SREBF2: variants seen among roughly 807,000 people sequenced by gnomAD.
SREBF2 encodes the protein sterol regulatory element binding transcription factor 2.
A neutral mutation model predicts 113.1 loss-of-function variants in SREBF2; 55 were observed. The ratio of observed to expected loss-of-function variants is 0.49; its 90% CI spans 0.39 to 0.61. The LOEUF (loss-of-function observed/expected upper bound fraction) is 0.61. SREBF2 is among the 20% of genes least tolerant of loss of function. SREBF2 has a pLI of 0.00. For missense variants in SREBF2, 1,349 were observed against 1,487.4 expected (o/e 0.91, Z 1.53); for synonymous variants, 593 against 605.7 (o/e 0.98, Z 0.31).
intron 9 of SREBF2, among the ~76,000 whole-genome samples, chr22:41,880,162 G>C (rs544003343): frequency 1.3e-5 from 2 of 152,332 alleles, no homozygotes; most frequent in South Asian, 4.1e-4. Context: ...GCTCCTAAGA[G>C]CTGATGCTAC....
At chr22:41,889,816 C>T (rs756597317) in intron 11 of SREBF2, among the ~76,000 whole-genome samples, 1 of 151,748 alleles carries the variant, frequency 6.6e-6, no homozygotes, top group African/African-American at 2.4e-5. Flanking sequence ...GCCTGGCCAA[C>T]ATGATGAAAC....
Position 41,866,906 on chromosome 22 carries a change from C to T in SREBF2, c.164C>T (p.Pro55Leu). 6.2e-7 allele frequency: 1 copy of T among 1,614,010 alleles called. No homozygotes were observed. Among genetic ancestry groups the T allele is most frequent in the Non-Finnish European group, 8.5e-7 (1 of 1,179,994 alleles). The change falls in exon 2 of 19, where the codon CCT (proline) becomes CTT (leucine). Residue 55 changes from proline to leucine, a missense_variant. Pro to Leu is a moderately conservative substitution (Grantham distance 98). Transcript: ENST00000361204. ...TCAGAACAGCTGTGTAGCTCCTTTC[C>T]TGGCAGTGGTGGTAGTGGTAGCAGC... The part of the protein sequence containing the change: ...LFSEQLCSSF[P>L]GSGGSGSSSG...
At chr22:41,837,710 T>G (rs2076790968) in intron 1 of SREBF2, among the ~76,000 whole-genome samples, 1 of 151,150 alleles carries the variant, frequency 6.6e-6, no homozygotes, top group Non-Finnish European at 1.5e-5. Flanking sequence ...AATACAAAAT[T>G]AGCCGGGCGT....
chr22:41,870,873 T>C lies in SREBF2; in HGVS notation c.721-16T>C. 6.2e-7 allele frequency: 1 copy of C among 1,614,202 alleles called. No homozygotes were observed. The highest frequency in any genetic ancestry group is 8.5e-7 in the Non-Finnish European group (1 of 1,180,020). ...TAATGCTATCATCCTTTTACTTTTC[T>C]TCCTTCTTCATCCAGGTCCTGGTCC... On this transcript the variant is annotated splice_polypyrimidine_tract_variant and intron_variant, in intron 3 of 18. Coordinates refer to ENST00000361204, the MANE Select transcript of SREBF2 (RefSeq NM_004599.4).
rs149121946 is a variant in SREBF2 at position 41,852,249 on chromosome 22, G to A, written c.89-14582G>A. Among the ~76,000 whole-genome samples, 1,074 of 151,380 alleles carry A rather than the reference G, an allele frequency of 7.1e-3. 11 individuals carry two copies. The highest frequency in any genetic ancestry group is 0.051 in the Middle Eastern group (15 of 294). ...GAAAAAATTAAATACATTTTATTAT[G>A]TGCTTGATGTATTTTTCTGTGTATT... On this transcript the variant is annotated intron_variant, in intron 1 of 18. Coordinates refer to ENST00000361204, the MANE Select transcript of SREBF2 (RefSeq NM_004599.4).
chr22:41,888,687 AT>A lies in SREBF2; in HGVS notation c.2208+3681del, dbSNP rs1456802221. ...CGTTATAAACAGTGCTTTAGGGAAC[AT>A]TTTTGTCCATTGTCTTCATGCACCT... On this transcript the variant is annotated intron_variant, in intron 11 of 18. Coordinates refer to ENST00000361204, the MANE Select transcript of SREBF2 (RefSeq NM_004599.4). 2.6e-5 allele frequency among the ~76,000 whole-genome samples: 4 copies of A among 152,336 alleles called. 1 individual carries two copies. The East Asian group carries it at 7.7e-4, about 29-fold the overall frequency.
At position 41,880,737 on chromosome 22, in the gene SREBF2, G is replaced by A. The variant is rs202148091; in HGVS notation, c.1783G>A (p.Gly595Ser). The part of the protein sequence containing the change: ...LARGDFAAAA[G>S]NLQTCLAVLG... Reference sequence around the variant, plus strand: ...GTAGGGAGATTTTGCAGCTGCTGCCGGCAACCTACAAACCTGCCTGGCAGT... The same window carrying A: ...GTAGGGAGATTTTGCAGCTGCTGCCAGCAACCTACAAACCTGCCTGGCAGT... Residue 595 changes from glycine (G) to serine (S), a missense_variant, in exon 10 of 19, where the codon GGC (glycine) becomes AGC (serine). Transcript: ENST00000361204. 3.0e-4 allele frequency: 478 copies of A among 1,614,056 alleles called. 1 individual carries two copies. The highest frequency in any genetic ancestry group is 3.3e-4 in the Middle Eastern group (2 of 6,070).
Position 41,833,461 on chromosome 22 carries a change from G to A in SREBF2, c.88+103G>A. On this transcript the variant is annotated intron_variant, in intron 1 of 18. Coordinates refer to ENST00000361204, the MANE Select transcript of SREBF2 (RefSeq NM_004599.4). This position sits in a 1 kb window ranked among gnomAD's most constrained non-coding sequence, Gnocchi z 4.1. ...GCCCACCCCCCGACAGCCCCGGTTC[G>A]CGCGGGAAGAACCCCGTGCGCACGG... 3.8e-6 allele frequency: 4 copies of A among 1,049,412 alleles called. No individual in the cohort carries two copies. Among genetic ancestry groups the A allele is most frequent in the Admixed American group, 2.4e-5 (1 of 42,030 alleles). The allele number at this position is 1,049,412 out of a possible 1,614,324, so 65.0% of individuals were successfully genotyped here.
chr22:41,882,842 A>ATC (rs1370949367), intron 10 of SREBF2, among the ~76,000 whole-genome samples: 1 of 152,212 alleles, frequency 6.6e-6, no homozygotes, highest in Non-Finnish European at 1.5e-5. Context: ...AGCAGTTCAC[A>ATC]TCTGTAATCT....
rs1194105462 is a variant in SREBF2, at chr22:41,833,155, C to G, written c.-116C>G. On this transcript the variant is annotated 5_prime_UTR_variant, in exon 1 of 19. Coordinates refer to ENST00000361204, the MANE Select transcript of SREBF2 (RefSeq NM_004599.4). The surrounding 1 kb of genome is among the most constrained non-coding windows in gnomAD (Gnocchi z 4.1). ...CGCAAACATGGCGGCGGGTGGCACC[C>G]GTCGGTGAGGCGGTGCCGGGCGGGG... 1 of 737,574 alleles carries G rather than the reference C, an allele frequency of 1.4e-6. No homozygotes were observed. The highest frequency in any genetic ancestry group is 2.0e-6 in the Non-Finnish European group (1 of 499,888). The allele number at this position is 737,574 out of a possible 1,614,324, so 45.7% of individuals were successfully genotyped here.
intron 1 of SREBF2, among the ~76,000 whole-genome samples, chr22:41,851,655 A>G (rs1015229485): frequency 6.6e-6 from 1 of 151,910 alleles, no homozygotes; most frequent in Admixed American, 6.6e-5. Context: ...CACCACGCCC[A>G]GCTGATTTTT....
At chr22:41,887,004 A>T (rs1359372753) in intron 11 of SREBF2, among the ~76,000 whole-genome samples, 1 of 152,226 alleles carries the variant, frequency 6.6e-6, no homozygotes, top group African/African-American at 2.4e-5. Flanking sequence ...ATTGCACTCC[A>T]GCCTGGGCAA....
At chr22:41,895,152 T>C (rs1037726332) in intron 13 of SREBF2, among the ~76,000 whole-genome samples, 1 of 151,904 alleles carries the variant, frequency 6.6e-6, no homozygotes, top group Non-Finnish European at 1.5e-5. Context: ...TTTTTTTTTT[T>C]TTTTGGAGAC....
At chr22:41,860,348 G>GA (rs924431197) in intron 1 of SREBF2, among the ~76,000 whole-genome samples, 18 of 146,820 alleles carry the variant, frequency 1.2e-4, no homozygotes, top group African/African-American at 2.2e-4. Context: ...TGGGACTTTA[G>GA]AAAAAAAAAA....
rs537721103 is a variant in SREBF2 at position 41,894,128 on chromosome 22, G to A, written c.2378-692G>A. On this transcript the variant is annotated intron_variant, in intron 12 of 18. Coordinates refer to ENST00000361204, the MANE Select transcript of SREBF2 (RefSeq NM_004599.4). ...CTGCTGGCTAAACATGGACTTCTCA[G>A]TGGCTTTGTCATCTCTGGCAGTCTC... Among the ~76,000 whole-genome samples, 11 of 152,306 alleles carry A rather than the reference G, an allele frequency of 7.2e-5. 1 individual carries two copies. The East Asian group carries it at 2.1e-3, about 29-fold the overall frequency.
At chr22:41,836,131 G>A (rs1363440938) in intron 1 of SREBF2, among the ~76,000 whole-genome samples, 3 of 152,186 alleles carry the variant, frequency 2.0e-5, no homozygotes, top group South Asian at 4.1e-4. Context: ...AGTGCATAAG[G>A]CTTTTTCTCA....
chr22:41,881,148 G>GT (rs1227356825), intron 10 of SREBF2, among the ~76,000 whole-genome samples, 156 bp downstream of exon 10: 1 of 152,224 alleles, frequency 6.6e-6, no homozygotes, highest in Non-Finnish European at 1.5e-5. Context: ...TTTCACAGCT[G>GT]TAAGGTTGGC....
At chr22:41,864,494 G>A (rs2077057597) in intron 1 of SREBF2, among the ~76,000 whole-genome samples, 2 of 150,140 alleles carry the variant, frequency 1.3e-5, no homozygotes, top group African/African-American at 4.9e-5. Context: ...CTAATTTTTT[G>A]TATTTTTAGT....
At chr22:41,904,567 G>C in intron 17 of SREBF2, 1 of 600,810 alleles carries the variant, frequency 1.7e-6, no homozygotes, top group Non-Finnish European at 3.2e-6. Context: ...TTCACCCAGG[G>C]CACTTGTCTA....
Sources: gnomAD v4.1 joint callset for allele counts (sites outside exome capture counted in the v4.1 genomes callset) on GRCh38, gnomAD v4.1.1 for gene constraint, Gnocchi (gnomAD v3.1) non-coding constraint, MANE v1.5 for transcripts, NCBI Gene and HGNC (gene_info 2026-07-23, HGNC 2026-07-21) for gene names.